Variants in GSDMD observed in about 807,000 individuals in gnomAD.
GSDMD encodes gasdermin D, also known as gasdermin-D.
Under a neutral mutation model 46.7 loss-of-function variants are expected in GSDMD, and 46 were observed. The ratio of observed to expected loss-of-function variants is 0.99; its 90% CI spans 0.78 to 1.26. GSDMD has a LOEUF of 1.26. Among genes scored for constraint, GSDMD ranks in the 50% most tolerant of loss-of-function variants. The pLI is 0.00. For missense variants in GSDMD, 649 were observed against 638.8 expected, an observed-to-expected ratio of 1.02 and a Z score of -0.17; for synonymous variants, 307 against 283.1, an observed-to-expected ratio of 1.08 and a Z score of -0.85.
rs1290695746 is a variant in GSDMD, at chr8:143,559,557, C to T, written c.217+5C>T. Reference sequence around the variant, plus strand: ...AGCCGGATGCCGCGGAACCAGGTGCCTGATGTGGTGCTGAGGCAGAGCCCC... The same window carrying T: ...AGCCGGATGCCGCGGAACCAGGTGCTTGATGTGGTGCTGAGGCAGAGCCCC... On this transcript the variant is annotated splice_donor_5th_base_variant and intron_variant, in intron 2 of 10. Transcript: ENST00000262580. 1.9e-6 allele frequency: 3 copies of T among 1,611,042 alleles called. No individual in the cohort carries two copies. In the African/African-American group the frequency reaches 4.0e-5, roughly 21 times the overall value.
chr8:143,561,304 G>A, intron 5 of GSDMD, 66 bp from the exon 6 acceptor site: 1 of 1,463,728 alleles, frequency 6.8e-7, no homozygotes, highest in South Asian at 1.2e-5. Context: ...TCCTAGTAGG[G>A]GAGGGGAGGG....
chr8:143,559,280 T>TGGCCCCC, intron 1 of GSDMD, 52 bp from the exon 2 acceptor site: 16 of 579,426 alleles, frequency 2.8e-5, no homozygotes, highest in Middle Eastern at 4.7e-4. Context: ...CTTCTCCCAC[T>TGGCCCCC]CCCTCCCGCC....
chr8:143,554,801 C>T (rs533148838), upstream of GSDMD, among the ~76,000 whole-genome samples: 13 of 152,384 alleles, frequency 8.5e-5, no homozygotes, highest in Admixed American at 8.5e-4. Context: ...CACACGCGCA[C>T]AAACGCGTTA....
chr8:143,557,386 T>TGCTGCCGCTTTGGC (rs1823328015), upstream of GSDMD, among the ~76,000 whole-genome samples: 2 of 119,844 alleles, frequency 1.7e-5, no homozygotes, highest in Admixed American at 7.8e-5. Flanking sequence ...TGGCGAAGGA[T>TGCTGCCGCTTTGGC]GATGCCGCTG....
chr8:143,562,778 CGAGTGTGGCCTA>C lies in GSDMD; in HGVS notation c.1333_1344del (p.Cys445_Glu448del), dbSNP rs1823499227. On this transcript the variant is annotated inframe_deletion, in exon 11 of 11. Transcript: ENST00000262580. ...GAGCACCGGCCTGGGTCTTGCTGGA[CGAGTGTGGCCTA>C]GAGCTGGGGGAGGACACTCCCCACG... The C allele has an allele frequency of 6.3e-7, 1 of 1,592,654 alleles. No individual in the cohort carries two copies. The highest frequency in any genetic ancestry group is 1.8e-5 in the Admixed American group (1 of 57,114).
At chr8:143,561,314 G>C in intron 5 of GSDMD, 56 bp from the exon 6 acceptor site, 2 of 1,512,562 alleles carry the variant, frequency 1.3e-6, no homozygotes, top group Non-Finnish European at 1.8e-6. Flanking sequence ...GGAGGGGAGG[G>C]GATGCTGGGA....
intron 1 of GSDMD, 52 bp from the exon 2 acceptor site, chr8:143,559,280 T>TTGCCCCCCC: frequency 9.0e-5 from 52 of 579,400 alleles, no homozygotes; most frequent in Middle Eastern, 4.7e-4. Flanking sequence ...CTTCTCCCAC[T>TTGCCCCCCC]CCCTCCCGCC....
At chr8:143,554,463 G>A (rs1823264160), upstream of GSDMD, among the ~76,000 whole-genome samples, 1 of 149,720 alleles carries the variant, frequency 6.7e-6, no homozygotes. Flanking sequence ...GCATGCACAC[G>A]CGCACATGTA....
rs750654902 is a variant in GSDMD at position 143,559,838 on chromosome 8, C to T, written c.279C>T (p.Ser93=). The change falls in exon 3 of 11, where the codon AGC becomes AGT. Residue 93 remains serine (S), a synonymous_variant. Coordinates refer to ENST00000262580, the MANE Select transcript of GSDMD (RefSeq NM_024736.7). ...YDAMDGQIQG[S]VELAAPGQAK... ...CCATGGATGGGCAGATACAGGGCAGCGTGGAGCTGGCAGCCCCAGGACAGG... is the reference window on the plus strand; with the variant it reads ...CCATGGATGGGCAGATACAGGGCAGTGTGGAGCTGGCAGCCCCAGGACAGG... The T allele has an allele frequency of 1.1e-5, 18 of 1,612,284 alleles. No individual in the cohort carries two copies. Among genetic ancestry groups the T allele is most frequent in the East Asian group, 2.2e-5 (1 of 44,874 alleles).
chr8:143,560,849 C>A, intron 4 of GSDMD, 78 bp downstream of exon 4: 1 of 1,440,584 alleles, frequency 6.9e-7, no homozygotes, highest in Non-Finnish European at 9.2e-7. Context: ...GCGGGCTGGG[C>A]TCCGCCAAGG....
At position 143,562,809 on chromosome 8, in the gene GSDMD, C is replaced by T. The variant is rs757292360; in HGVS notation, c.1360C>T (p.Pro454Ser). 3.1e-6 allele frequency: 5 copies of T among 1,605,396 alleles called. No homozygotes were observed. The East Asian group carries it at 1.1e-4, about 36-fold the overall frequency. Residue 454 changes from proline (P) to serine (S), a missense_variant, in exon 11 of 11, where the codon CCC (proline) becomes TCC (serine). Transcript: ENST00000262580. The stretch of plus-strand genomic sequence containing the variant: ...TGGCCTAGAGCTGGGGGAGGACACT[C>T]CCCACGTGTGCTGGGAGCCGCAGGC... Reference protein sequence around the residue: ...ECGLELGEDTPHVCWEPQAQG... With the variant: ...ECGLELGEDTSHVCWEPQAQG...
intron 3 of GSDMD, 40 bp from the exon 4 acceptor site, chr8:143,560,563 G>A: frequency 6.5e-7 from 1 of 1,530,766 alleles, no homozygotes; most frequent in Non-Finnish European, 8.8e-7. Flanking sequence ...ACGCCTTCAG[G>A]GGCTGCGGCC....
rs1823447361 is a variant in GSDMD, at chr8:143,561,043, C to T, written c.621C>T (p.Thr207=). The T allele has an allele frequency of 6.2e-7, 1 of 1,613,114 alleles. No homozygotes were observed. Among genetic ancestry groups the T allele is most frequent in the Non-Finnish European group, 8.5e-7 (1 of 1,179,960 alleles). Residue 207 remains threonine, a synonymous_variant, in exon 5 of 11, where the codon ACC becomes ACT. Transcript: ENST00000262580. ...QGHLSQKKTV[T]IPSGSTLAFR... is the part of the protein sequence containing the mutation. Reference sequence around the variant, plus strand: ...ATCTGAGCCAGAAGAAGACGGTCACCATCCCCTCAGGCAGCACCCTCGCAT... The same window carrying T: ...ATCTGAGCCAGAAGAAGACGGTCACTATCCCCTCAGGCAGCACCCTCGCAT...
In GSDMD at chr8:143,560,770, AG is replaced by A; in HGVS notation, c.579+1del. On this transcript the variant is annotated frameshift_variant and splice_region_variant, in exon 4 of 11. Transcript: ENST00000262580. LOFTEE classifies it high-confidence loss of function. ...RFSLPGATCLQGEGQGHLSQK... is the reference protein window; with the variant it reads ...RFSLPGATCLXGEGQGHLSQK... ...TCCCTGCCCGGAGCCACGTGCTTGC[AG>A]GTGTGTAGCCAGCCCCGGGCCACGC... 6.5e-7 allele frequency: 1 copy of A among 1,540,072 alleles called. No homozygotes were observed. The highest frequency in any genetic ancestry group is 8.8e-7 in the Non-Finnish European group (1 of 1,141,812).
rs1403557371 is a variant in GSDMD at position 143,559,040 on chromosome 8, T to C, written c.-4-292T>C. The C allele has an allele frequency of 6.1e-6, 3 of 494,150 alleles. No individual in the cohort carries two copies. The African/African-American group carries it at 6.4e-5, about 11-fold the overall frequency. 30.6% of individuals were successfully genotyped at this position (494,150 alleles called of 1,614,324 possible). On this transcript the variant is annotated intron_variant, in intron 1 of 10. Coordinates refer to ENST00000262580, the MANE Select transcript of GSDMD (RefSeq NM_024736.7). ...GTTTCCTCCCAGCCAGAGGCAGCCA[T>C]TCTAGTGGACAGAGCCCTCTGTGTT...
At chr8:143,562,548 G>A (rs775662736) in intron 10 of GSDMD, 27 bp downstream of exon 10, 1 of 1,603,274 alleles carries the variant, frequency 6.2e-7, no homozygotes, top group South Asian at 1.1e-5. Flanking sequence ...CGGGCTGCAG[G>A]AGGATGGGCT....
intron 1 of GSDMD, chr8:143,558,936 G>A: frequency 1.8e-6 from 1 of 546,350 alleles, no homozygotes; most frequent in South Asian, 1.5e-5. Flanking sequence ...CTCTGGCTGG[G>A]TTTTGCAGTG....
chr8:143,558,229 G>A (rs1465591886), upstream of GSDMD: 2 of 1,256,420 alleles, frequency 1.6e-6, no homozygotes, highest in Non-Finnish European at 2.1e-6. Context: ...GGTTCCTCCG[G>A]ACGCGCGAGG....
Position 143,561,939 on chromosome 8 carries a change from C to G in GSDMD, c.824-20C>G. The G allele has an allele frequency of 6.2e-7, 1 of 1,606,834 alleles. No individual in the cohort carries two copies. The highest frequency in any genetic ancestry group is 2.2e-5 in the East Asian group (1 of 44,760). On this transcript the variant is annotated intron_variant, in intron 7 of 10. Transcript: ENST00000262580. ...GGCCCTGTAAGCACCTGGGCAGTGC[C>G]AGCCCTTCTGTCCCTACAGATGGGG...
Sources: allele counts gnomAD v4.1 joint callset (sites outside exome capture counted in the v4.1 genomes callset), GRCh38; gene constraint gnomAD v4.1.1; transcripts MANE v1.5; gene names NCBI Gene and HGNC (gene_info 2026-07-23, HGNC 2026-07-21).